EXOC4: variants seen among roughly 807,000 people sequenced by gnomAD.
EXOC4 encodes the protein exocyst complex component 4.
EXOC4 carries 71 observed loss-of-function variants against 107.2 expected under a neutral mutation model. That is an observed-to-expected ratio of 0.66 (90% CI 0.55 to 0.81). The LOEUF (loss-of-function observed/expected upper bound fraction) is 0.81, where lower values mean the gene tolerates loss of function less well. Ranked by LOEUF, EXOC4 falls within the 30% of genes least tolerant of loss-of-function variation. The pLI is 0.00. For missense variants in EXOC4, 1,108 were observed against 1,189.6 expected (o/e 0.93, Z 1.01); for synonymous variants, 456 against 441.2 (o/e 1.03, Z -0.42).
chr7:133,380,943 C>T (rs1470155969), intron 7 of EXOC4, among the ~76,000 whole-genome samples: 1 of 152,102 alleles, frequency 6.6e-6, no homozygotes, highest in Admixed American at 6.6e-5. Context: ...TGCATTTTTG[C>T]TTGCTTTCTC....
chr7:133,848,894 G>A (rs980979942), intron 11 of EXOC4, among the ~76,000 whole-genome samples: 2 of 152,082 alleles, frequency 1.3e-5, no homozygotes, highest in Admixed American at 6.5e-5. Flanking sequence ...GTGGTAGGTC[G>A]TTCAGTACAT....
chr7:133,254,734 T>A (rs1794975246), intron 1 of EXOC4, among the ~76,000 whole-genome samples: 2 of 152,168 alleles, frequency 1.3e-5, no homozygotes, highest in African/African-American at 4.8e-5. Flanking sequence ...AACATGTCAG[T>A]AAAAATGATG....
chr7:133,850,086 G>A lies in EXOC4; in HGVS notation c.1734+32542G>A, dbSNP rs534958772. 7.9e-5 allele frequency among the ~76,000 whole-genome samples: 12 copies of A among 152,292 alleles called. No homozygotes were observed. In the East Asian group the frequency reaches 2.3e-3, roughly 29 times the overall value. ...GAATGTCAATTTCTTTGAGCTGCGT[G>A]TGTTCTTCTAAACCAACAAAACACT... On this transcript the variant is annotated intron_variant, in intron 11 of 17. Transcript: ENST00000253861.
intron 2 of EXOC4, among the ~76,000 whole-genome samples, chr7:133,283,463 G>A (rs1794205156): frequency 1.3e-5 from 2 of 152,154 alleles, no homozygotes; most frequent in Non-Finnish European, 2.9e-5. Flanking sequence ...GGACACTTAC[G>A]CTGCAGTGAT....
chr7:133,398,367 C>G (rs886719810), intron 7 of EXOC4, among the ~76,000 whole-genome samples: 1 of 152,154 alleles, frequency 6.6e-6, no homozygotes. Context: ...AAGGTAAGGA[C>G]AAGGATGCAC....
intron 11 of EXOC4, among the ~76,000 whole-genome samples, chr7:133,823,849 A>ATATATATATATATATATAT (rs1797594316): frequency 7.8e-4 from 8 of 10,300 alleles, no homozygotes; most frequent in African/African-American, 3.2e-3. Context: ...TATATTATAT[A>ATATATATATATATATATAT]TATATATATA....
chr7:133,668,398 T>C (rs1238169347), intron 10 of EXOC4, among the ~76,000 whole-genome samples: 1 of 152,190 alleles, frequency 6.6e-6, no homozygotes, highest in Non-Finnish European at 1.5e-5. Context: ...GGTAACAATA[T>C]AGTTTTTTTC....
chr7:133,859,931 A>G (rs928871766), intron 11 of EXOC4, among the ~76,000 whole-genome samples: 5 of 152,132 alleles, frequency 3.3e-5, no homozygotes, highest in African/African-American at 1.2e-4. Context: ...CGTTACAAAG[A>G]TTTGTGCTGT....
intron 9 of EXOC4, among the ~76,000 whole-genome samples, chr7:133,606,194 A>C (rs190189127): frequency 3.3e-5 from 5 of 152,076 alleles, no homozygotes; most frequent in African/African-American, 1.2e-4. Flanking sequence ...AATCCCCTAC[A>C]AGTCTTCTGG....
chr7:133,804,242 C>T (rs1468722111), intron 10 of EXOC4, among the ~76,000 whole-genome samples: 2 of 152,050 alleles, frequency 1.3e-5, no homozygotes, highest in Non-Finnish European at 2.9e-5. Flanking sequence ...ATGAGATTAT[C>T]CTGGCTTACC....
intron 9 of EXOC4, among the ~76,000 whole-genome samples, chr7:133,528,603 T>C (rs944887628): frequency 6.6e-6 from 1 of 152,088 alleles, no homozygotes; most frequent in African/African-American, 2.4e-5. Context: ...TGAGTGACCA[T>C]ATAATATTTT....
chr7:134,013,865 A>G (rs180826902), intron 17 of EXOC4, among the ~76,000 whole-genome samples: 18 of 152,314 alleles, frequency 1.2e-4, no homozygotes, highest in Admixed American at 1.1e-3. Context: ...GATTGCTGTA[A>G]CAATAAAAAA....
chr7:133,256,055 C>T lies in EXOC4; in HGVS notation c.86+2868C>T, dbSNP rs575628953. 3.3e-5 allele frequency among the ~76,000 whole-genome samples: 5 copies of T among 151,694 alleles called. No homozygotes were observed. In the South Asian group the frequency reaches 6.2e-4, roughly 19 times the overall value. ...GGAGTGCAGTGGCGCAATCTTGGCT[C>T]ACTGCAAGCTCCGCCTTCCGGGTTC... On this transcript the variant is annotated intron_variant, in intron 1 of 17. Coordinates refer to ENST00000253861, the MANE Select transcript of EXOC4 (RefSeq NM_021807.4).
chr7:133,806,164 A>T (rs975071771), intron 10 of EXOC4, among the ~76,000 whole-genome samples: 5 of 152,254 alleles, frequency 3.3e-5, no homozygotes, highest in African/African-American at 1.2e-4. Flanking sequence ...AAACAAGTAG[A>T]TAAATGTATG....
In EXOC4 at chr7:133,333,356, G is replaced by A. The variant is rs143942518; in HGVS notation, c.763+15966G>A. Among the ~76,000 whole-genome samples the A allele has an allele frequency of 6.0e-3, 915 of 152,056 alleles. 10 individuals carry two copies. The highest frequency in any genetic ancestry group is 0.018 in the African/African-American group (731 of 41,450). On this transcript the variant is annotated intron_variant, in intron 5 of 17. Coordinates refer to ENST00000253861, the MANE Select transcript of EXOC4 (RefSeq NM_021807.4). Reference sequence around the variant, plus strand: ...TTGTTGAAAACTTCCTTACATTCTGGTACCACAAGACATTTCAGACTCATC... The same window carrying A: ...TTGTTGAAAACTTCCTTACATTCTGATACCACAAGACATTTCAGACTCATC...
chr7:133,603,861 C>A (rs1384037655), intron 9 of EXOC4, among the ~76,000 whole-genome samples: 3 of 152,118 alleles, frequency 2.0e-5, no homozygotes, highest in African/African-American at 7.2e-5. Flanking sequence ...AAACAGCTTA[C>A]TGTAACTTTT....
At chr7:133,645,114 T>C (rs1001699651) in intron 10 of EXOC4, among the ~76,000 whole-genome samples, 1 of 136,610 alleles carries the variant, frequency 7.3e-6, no homozygotes, top group African/African-American at 2.8e-5. Context: ...TTCTTTGAGA[T>C]GGAATCTTGC....
At chr7:133,759,393 A>T (rs1293248232) in intron 10 of EXOC4, among the ~76,000 whole-genome samples, 1 of 152,204 alleles carries the variant, frequency 6.6e-6, no homozygotes. Flanking sequence ...TGAGATGATG[A>T]TGGTAACATT....
chr7:133,934,132 A>G (rs1800243985), intron 13 of EXOC4, among the ~76,000 whole-genome samples: 2 of 152,202 alleles, frequency 1.3e-5, no homozygotes, highest in African/African-American at 2.4e-5. Flanking sequence ...CATAATTCCT[A>G]ATGACTTCAT....
Sources: gnomAD v4.1 joint callset for allele counts (sites outside exome capture counted in the v4.1 genomes callset) on GRCh38, gnomAD v4.1.1 for gene constraint, MANE v1.5 for transcripts, NCBI Gene and HGNC (gene_info 2026-07-23, HGNC 2026-07-21) for gene names.